Variants in SLC4A10 observed in about 807,000 individuals in gnomAD.
SLC4A10 encodes solute carrier family 4 member 10.
A neutral mutation model predicts 137.7 loss-of-function variants in SLC4A10; 42 were observed. That is an observed-to-expected ratio of 0.30 (90% CI 0.24 to 0.39). The LOEUF (loss-of-function observed/expected upper bound fraction) is 0.39. Ranked by LOEUF, SLC4A10 falls within the 10% of genes least tolerant of loss-of-function variation. The probability of loss-of-function intolerance (pLI) is 1.00; values close to 1 mark genes in which losing one functional copy is unlikely to be tolerated. For missense variants in SLC4A10, 925 were observed against 1,355.0 expected (o/e 0.68, Z 4.98); for synonymous variants, 474 against 464.1 (o/e 1.02, Z -0.27).
intron 3 of SLC4A10, among the ~76,000 whole-genome samples, chr2:161,811,898 T>A (rs1220118884): frequency 6.6e-6 from 1 of 152,036 alleles, no homozygotes; most frequent in Non-Finnish European, 1.5e-5. Context: ...TTTCTTATCA[T>A]CTTTGAAACA....
At chr2:161,832,942 G>A (rs56264166) in intron 3 of SLC4A10, among the ~76,000 whole-genome samples, 1 of 151,982 alleles carries the variant, frequency 6.6e-6, no homozygotes, top group African/African-American at 2.4e-5. Context: ...GGGTTTCACC[G>A]TGTTAGCCAG....
At chr2:161,746,356 C>T (rs1170652996) in intron 1 of SLC4A10, among the ~76,000 whole-genome samples, 1 of 151,638 alleles carries the variant, frequency 6.6e-6, no homozygotes, top group Non-Finnish European at 1.5e-5. Context: ...GAGTCTCTTC[C>T]TGTGGCCACC....
chr2:161,642,051 C>G (rs948856576), intron 1 of SLC4A10, among the ~76,000 whole-genome samples: 3 of 151,976 alleles, frequency 2.0e-5, no homozygotes, highest in Non-Finnish European at 2.9e-5. Context: ...TTCACTATCT[C>G]TCCTAGCAAT....
chr2:161,751,902 A>C (rs2049024063), intron 1 of SLC4A10, among the ~76,000 whole-genome samples: 1 of 151,962 alleles, frequency 6.6e-6, no homozygotes, highest in African/African-American at 2.4e-5. Flanking sequence ...CGTTTACTCA[A>C]GTACATCTTT....
At chr2:161,721,498 T>G (rs1001373897) in intron 1 of SLC4A10, among the ~76,000 whole-genome samples, 2 of 152,230 alleles carry the variant, frequency 1.3e-5, no homozygotes, top group African/African-American at 2.4e-5. Context: ...TCTTTAAGAC[T>G]GTTGAATATT....
At chr2:161,758,752 A>G (rs978268882) in intron 1 of SLC4A10, among the ~76,000 whole-genome samples, 4 of 151,988 alleles carry the variant, frequency 2.6e-5, no homozygotes, top group African/African-American at 9.7e-5. Context: ...AAATATATGC[A>G]TCTATCCTCA....
At chr2:161,908,755 G>A (rs1447031791) in intron 15 of SLC4A10, among the ~76,000 whole-genome samples, 1 of 149,900 alleles carries the variant, frequency 6.7e-6, no homozygotes, top group African/African-American at 2.5e-5. Flanking sequence ...TTTTGAGGAG[G>A]GCAATGAAAT....
intron 1 of SLC4A10, among the ~76,000 whole-genome samples, chr2:161,667,223 G>A (rs749989368): frequency 1.3e-5 from 2 of 151,470 alleles, no homozygotes; most frequent in Non-Finnish European, 3.0e-5. Flanking sequence ...GAAAAAGGAG[G>A]CAAAGAGAAA....
At chr2:161,971,528 A>T (rs1480688478) in intron 23 of SLC4A10, among the ~76,000 whole-genome samples, 13 of 152,196 alleles carry the variant, frequency 8.5e-5, no homozygotes, top group African/African-American at 3.1e-4. Flanking sequence ...ACTCATTTTA[A>T]GGTATTTTTC....
intron 11 of SLC4A10, among the ~76,000 whole-genome samples, chr2:161,896,238 A>G (rs956100810): frequency 2.6e-5 from 4 of 151,680 alleles, no homozygotes; most frequent in African/African-American, 4.8e-5. Flanking sequence ...ATGCAGCGTT[A>G]TTTCTGAGGG....
At chr2:161,935,875 G>C (rs1691491814) in intron 15 of SLC4A10, among the ~76,000 whole-genome samples, 2 of 152,086 alleles carry the variant, frequency 1.3e-5, no homozygotes, top group African/African-American at 4.8e-5. Context: ...GATCTTGCAG[G>C]AAAACCTTTC....
At chr2:161,679,668 A>G (rs1473655863) in intron 1 of SLC4A10, among the ~76,000 whole-genome samples, 4 of 124,738 alleles carry the variant, frequency 3.2e-5, no homozygotes, top group Non-Finnish European at 6.9e-5. Flanking sequence ...TTTTTTTTTA[A>G]CCTCAATTGT....
At chr2:161,683,867 T>G (rs1454355412) in intron 1 of SLC4A10, among the ~76,000 whole-genome samples, 1 of 152,208 alleles carries the variant, frequency 6.6e-6, no homozygotes, top group Non-Finnish European at 1.5e-5. Context: ...CCATTTTTTT[T>G]GTTGTGGTAA....
intron 15 of SLC4A10, among the ~76,000 whole-genome samples, chr2:161,933,129 G>GTTTTCCTTTC (rs1553631291): frequency 1.4e-5 from 2 of 145,702 alleles, no homozygotes; most frequent in Admixed American, 1.4e-4. Context: ...TTTCCTGCCT[G>GTTTTCCTTTC]TTTTTCTTTC....
At chr2:161,920,292 A>G (rs1168179961) in intron 15 of SLC4A10, among the ~76,000 whole-genome samples, 3 of 152,170 alleles carry the variant, frequency 2.0e-5, no homozygotes, top group Admixed American at 1.3e-4. Context: ...CATGACAGTA[A>G]TAACTTGGCT....
chr2:161,658,987 A>G (rs2037934062), intron 1 of SLC4A10, among the ~76,000 whole-genome samples: 1 of 152,220 alleles, frequency 6.6e-6, no homozygotes, highest in Admixed American at 6.5e-5. Flanking sequence ...CATGAAAAAC[A>G]GTGTGGAGAT....
rs919198934 is a variant in SLC4A10 at position 161,850,235 on chromosome 2, C to CA, written c.417-4728dup. ...CAAAACCCTGTCTCTACTAAAAATA[C>CA]AAAAAAATTAGCTAGACACAGTGGT... On this transcript the variant is annotated intron_variant, in intron 4 of 26. Coordinates refer to ENST00000446997, the MANE Select transcript of SLC4A10 (RefSeq NM_001178015.2). 3.3e-5 allele frequency among the ~76,000 whole-genome samples: 5 copies of CA among 151,840 alleles called. No homozygotes were observed. The East Asian group carries it at 7.8e-4, about 24-fold the overall frequency.
intron 3 of SLC4A10, among the ~76,000 whole-genome samples, chr2:161,810,370 C>T (rs2056422036): frequency 6.6e-6 from 1 of 151,916 alleles, no homozygotes; most frequent in African/African-American, 2.4e-5. Context: ...TTTCTCTTGC[C>T]TGATTGCTCT....
chr2:161,787,586 C>T (rs1334517982), intron 2 of SLC4A10, among the ~76,000 whole-genome samples: 1 of 152,076 alleles, frequency 6.6e-6, no homozygotes, highest in African/African-American at 2.4e-5. Context: ...ACCCCCTATA[C>T]CATCTTTCTC....
Sources: gnomAD v4.1 joint callset for allele counts (sites outside exome capture counted in the v4.1 genomes callset) on GRCh38, gnomAD v4.1.1 for gene constraint, MANE v1.5 for transcripts, NCBI Gene and HGNC (gene_info 2026-07-23, HGNC 2026-07-21) for gene names.